DGKB: variants seen among roughly 807,000 people sequenced by gnomAD.
DGKB encodes 90 kDa diacylglycerol kinase.
DGKB carries 67 observed loss-of-function variants against 114.3 expected under a neutral mutation model. That is an observed-to-expected ratio of 0.59 (90% CI 0.48 to 0.72). The LOEUF is 0.72. Ranked by LOEUF, DGKB falls within the 30% of genes least tolerant of loss-of-function variation. The pLI, the probability that DGKB is intolerant of heterozygous loss-of-function variation, is 0.00. For synonymous variants in DGKB, 398 were observed against 323.1 expected (o/e 1.23, Z -2.49); for missense variants, 907 against 975.2 (o/e 0.93, Z 0.93).
intron 21 of DGKB, among the ~76,000 whole-genome samples, chr7:14,405,675 A>T (rs2128734629): frequency 6.6e-6 from 1 of 152,196 alleles, no homozygotes; most frequent in Non-Finnish European, 1.5e-5. Context: ...GCAAGTAAAC[A>T]ATAATCATTC....
intron 25 of DGKB, among the ~76,000 whole-genome samples, chr7:14,167,013 C>A (rs943122388): frequency 6.6e-6 from 1 of 151,962 alleles, no homozygotes; most frequent in African/African-American, 2.4e-5. Context: ...AGTCTAAGAC[C>A]ATCCTGGCTA....
rs578064901 is a variant in DGKB at position 14,784,812 on chromosome 7, T to G, written c.71-27081A>C. ...AACCTGGCTTCATTATTTTACCTCCTGTGTCAACTGCTGTTTTTTTTTTTA... is the reference window on the plus strand; with the variant it reads ...AACCTGGCTTCATTATTTTACCTCCGGTGTCAACTGCTGTTTTTTTTTTTA... On this transcript the variant is annotated intron_variant, in intron 2 of 25. Transcript: ENST00000402815. Among the ~76,000 whole-genome samples, 654 of 152,328 alleles carry G rather than the reference T, an allele frequency of 4.3e-3. 7 individuals are homozygous for G. Among genetic ancestry groups the G allele is most frequent in the African/African-American group, 0.015 (611 of 41,562 alleles).
chr7:14,635,565 C>G, intron 13 of DGKB, among the ~76,000 whole-genome samples: 1 of 151,564 alleles, frequency 6.6e-6, no homozygotes, highest in East Asian at 1.9e-4. Context: ...ATTTAGAGCA[C>G]CCATCTTCAA....
intron 25 of DGKB, among the ~76,000 whole-genome samples, chr7:14,156,973 T>A (rs769203515): frequency 8.5e-5 from 13 of 152,150 alleles, no homozygotes; most frequent in African/African-American, 3.1e-4. Context: ...CTTAATAATA[T>A]TATGGTTCTT....
chr7:14,363,684 G>A (rs571467736), intron 21 of DGKB, among the ~76,000 whole-genome samples: 3 of 152,126 alleles, frequency 2.0e-5, no homozygotes, highest in Non-Finnish European at 4.4e-5. Flanking sequence ...ATTAAAAAAA[G>A]AAAAAGAAAA....
At chr7:14,320,998 A>G (rs1322593972) in intron 23 of DGKB, among the ~76,000 whole-genome samples, 1 of 152,202 alleles carries the variant, frequency 6.6e-6, no homozygotes, top group East Asian at 1.9e-4. Context: ...TTTAAAATTT[A>G]AAAATTCAGC....
At chr7:14,770,477 A>T (rs1837250992) in intron 2 of DGKB, among the ~76,000 whole-genome samples, 1 of 152,154 alleles carries the variant, frequency 6.6e-6, no homozygotes, top group Non-Finnish European at 1.5e-5. Flanking sequence ...GCATGCCTCC[A>T]TGTCAGAACT....
chr7:14,580,769 C>A (rs1001878751), intron 19 of DGKB, 93 bp downstream of exon 19: 5 of 828,932 alleles, frequency 6.0e-6, no homozygotes, highest in South Asian at 3.9e-5. Flanking sequence ...TCACTGAAAT[C>A]ATATCGTTTT....
intron 25 of DGKB, among the ~76,000 whole-genome samples, chr7:14,158,002 G>A (rs1783290377): frequency 1.3e-5 from 2 of 152,108 alleles, no homozygotes; most frequent in Non-Finnish European, 2.9e-5. Flanking sequence ...ATAGACCCAG[G>A]ACATGAGGCA....
intron 23 of DGKB, among the ~76,000 whole-genome samples, chr7:14,204,415 G>A (rs1323049348): frequency 6.6e-6 from 1 of 151,946 alleles, no homozygotes; most frequent in Non-Finnish European, 1.5e-5. Flanking sequence ...ACATTTCTGT[G>A]TCTATGTGGG....
chr7:14,585,559 C>A lies in DGKB; in HGVS notation c.1434-2422G>T, dbSNP rs901453609. On this transcript the variant is annotated intron_variant, in intron 17 of 25. Coordinates refer to ENST00000402815, the MANE Select transcript of DGKB (RefSeq NM_001350709.2). ...ATACCACTTACATGTCTTTTAAAATCCATGTCAATGGGCATTTCAACTGGT... is the reference window on the plus strand; with the variant it reads ...ATACCACTTACATGTCTTTTAAAATACATGTCAATGGGCATTTCAACTGGT... Among the ~76,000 whole-genome samples the A allele has an allele frequency of 9.2e-5, 14 of 152,162 alleles. 1 individual carries two copies. The highest frequency in any genetic ancestry group is 3.1e-4 in the African/African-American group (13 of 41,444).
At chr7:14,621,643 G>A in intron 14 of DGKB, 149 bp from the exon 15 acceptor site, 1 of 578,406 alleles carries the variant, frequency 1.7e-6, no homozygotes. Context: ...TATGAAAGCT[G>A]TTGTTTTCAA....
Position 14,683,422 on chromosome 7 carries a change from T to C in DGKB, c.830-581A>G, listed in dbSNP as rs551244993. Among the ~76,000 whole-genome samples, 367 of 152,306 alleles carry C rather than the reference T, an allele frequency of 2.4e-3. 1 individual carries two copies. The highest frequency in any genetic ancestry group is 4.4e-3 in the Non-Finnish European group (298 of 68,014). On this transcript the variant is annotated intron_variant, in intron 10 of 25. Coordinates refer to ENST00000402815, the MANE Select transcript of DGKB (RefSeq NM_001350709.2). ...AAGCAACAGCCTTTGCTGGGCGGCA[T>C]ATTGTATACATATGGAAAAATTTAT...
At chr7:14,838,443 T>G (rs889319427) in intron 2 of DGKB, among the ~76,000 whole-genome samples, 2 of 152,210 alleles carry the variant, frequency 1.3e-5, no homozygotes, top group African/African-American at 4.8e-5. Flanking sequence ...CAACATAACC[T>G]AAGCCAAACT....
chr7:14,165,365 C>T (rs1280707142), intron 25 of DGKB, among the ~76,000 whole-genome samples: 1 of 152,060 alleles, frequency 6.6e-6, no homozygotes, highest in Non-Finnish European at 1.5e-5. Context: ...TAATTTGTTT[C>T]CAGTCCTCTG....
chr7:14,498,075 G>T (rs932231201), intron 20 of DGKB, among the ~76,000 whole-genome samples: 1 of 151,792 alleles, frequency 6.6e-6, no homozygotes, highest in Non-Finnish European at 1.5e-5. Context: ...ATGCTTTATT[G>T]TATCTGAGAG....
At chr7:14,785,100 T>C (rs776293135) in intron 2 of DGKB, among the ~76,000 whole-genome samples, 4 of 152,198 alleles carry the variant, frequency 2.6e-5, no homozygotes, top group Non-Finnish European at 5.9e-5. Flanking sequence ...CTAAATATCA[T>C]GAACAATTTT....
At chr7:14,242,648 A>T (rs1793845443) in intron 23 of DGKB, among the ~76,000 whole-genome samples, 1 of 151,850 alleles carries the variant, frequency 6.6e-6, no homozygotes, top group African/African-American at 2.4e-5. Context: ...AGGGAGAAAA[A>T]GTTATTCTGT....
At chr7:14,628,206 TTTAA>T (rs1808992167) in intron 14 of DGKB, among the ~76,000 whole-genome samples, 1 of 152,146 alleles carries the variant, frequency 6.6e-6, no homozygotes, top group South Asian at 2.1e-4. Context: ...AACTGTGTAA[TTTAA>T]TTATTACTCA....
Sources: gnomAD v4.1 joint callset for allele counts (sites outside exome capture counted in the v4.1 genomes callset) on GRCh38, gnomAD v4.1.1 for gene constraint, MANE v1.5 for transcripts, NCBI Gene and HGNC (gene_info 2026-07-23, HGNC 2026-07-21) for gene names.